Variants in LMAN1 observed in about 807,000 individuals in gnomAD.
LMAN1 encodes protein ERGIC-53.
LMAN1 carries 32 observed loss-of-function variants against 67.8 expected under a neutral mutation model. The observed-to-expected ratio is 0.47, with a 90% CI of 0.36 to 0.63. The LOEUF is 0.63. Among genes scored for constraint, LMAN1 ranks in the 30% least tolerant of loss-of-function variants. The pLI is 0.00. For synonymous variants in LMAN1, 235 were observed against 219.3 expected (o/e 1.07, Z -0.63); for missense variants, 632 against 628.2 (o/e 1.01, Z -0.06).
In LMAN1 at chr18:59,333,199, G is replaced by T; in HGVS notation, c.1266C>A (p.His422Gln). Residue 422 changes from histidine to glutamine, a missense_variant, in exon 11 of 13, where the codon CAC (histidine) becomes CAA (glutamine). Physicochemically the swap from His to Gln is conservative, Grantham distance 24 (BLOSUM62 0). Transcript: ENST00000251047. ...ETVRLVSGMQ[H>Q]PGSAGGVYET... ...CATAGACGCCTCCAGCAGAGCCAGG[G>T]TGCTGCATTCCACTGACCAGTCTGA... The T allele has an allele frequency of 6.2e-7, 1 of 1,613,594 alleles. No homozygotes were observed. Among genetic ancestry groups the T allele is most frequent in the East Asian group, 2.2e-5 (1 of 44,864 alleles).
intron 11 of LMAN1, among the ~76,000 whole-genome samples, chr18:59,332,277 G>A (rs886576722): frequency 2.1e-4 from 32 of 151,968 alleles, no homozygotes; most frequent in African/African-American, 7.5e-4. Context: ...ACAGAACTAA[G>A]GGGACAGATA....
intron 11 of LMAN1, 161 bp from the exon 12 acceptor site, chr18:59,331,700 T>G: frequency 1.4e-6 from 1 of 724,610 alleles, no homozygotes; most frequent in East Asian, 2.9e-5. Flanking sequence ...CTGACAACTG[T>G]TTTTGAAGGA....
At chr18:59,332,704 C>T (rs1412849270) in intron 11 of LMAN1, among the ~76,000 whole-genome samples, 1 of 151,966 alleles carries the variant, frequency 6.6e-6, no homozygotes, top group Non-Finnish European at 1.5e-5. Flanking sequence ...TCCAAGCACA[C>T]GAAACCTGGG....
rs1461513805 is a variant in LMAN1 at position 59,328,991 on chromosome 18, G to C, written c.*2102C>G. The C allele has an allele frequency of 6.6e-6, 1 of 152,170 alleles. No homozygotes were observed. The highest frequency in any genetic ancestry group is 2.4e-5 in the African/African-American group (1 of 41,442). 9.4% of individuals were successfully genotyped at this position (152,170 alleles called of 1,614,324 possible). A position where few individuals can be genotyped will look rare whatever the true frequency, so the allele number is the denominator to read the frequency against. On this transcript the variant is annotated 3_prime_UTR_variant, in exon 13 of 13. Coordinates refer to ENST00000251047, the MANE Select transcript of LMAN1 (RefSeq NM_005570.4). The stretch of plus-strand genomic sequence containing the variant: ...CTGTAAAACACTTGCTGGTGTGAGA[G>C]AAGTGAACAAATTCAATTATACAAA...
Position 59,332,566 on chromosome 18 carries a change from C to T in LMAN1, c.1374+525G>A, listed in dbSNP as rs41443547. On this transcript the variant is annotated intron_variant, in intron 11 of 12. Coordinates refer to ENST00000251047, the MANE Select transcript of LMAN1 (RefSeq NM_005570.4). ...TTAAAAAGCTTTTAAAAAGATAAAACGCGATATAAAATATAAGGGATTGGG... is the reference window on the plus strand; with the variant it reads ...TTAAAAAGCTTTTAAAAAGATAAAATGCGATATAAAATATAAGGGATTGGG... Among the ~76,000 whole-genome samples the T allele has an allele frequency of 2.4e-3, 363 of 152,074 alleles. 1 individual carries two copies. Among genetic ancestry groups the T allele is most frequent in the African/African-American group, 8.1e-3 (337 of 41,492 alleles).
chr18:59,351,223 T>C (rs41385548), intron 5 of LMAN1, among the ~76,000 whole-genome samples: 10 of 152,106 alleles, frequency 6.6e-5, no homozygotes, highest in African/African-American at 1.4e-4. Context: ...GATATACATA[T>C]AGTTAATAAG....
intron 10 of LMAN1, among the ~76,000 whole-genome samples, chr18:59,333,989 C>T (rs1908087495): frequency 6.6e-6 from 1 of 152,140 alleles, no homozygotes; most frequent in South Asian, 2.1e-4. Flanking sequence ...ATCTCAAGTG[C>T]TTTTGAATCA....
chr18:59,357,030 T>C (rs1908674806), intron 1 of LMAN1, among the ~76,000 whole-genome samples: 1 of 151,352 alleles, frequency 6.6e-6, no homozygotes, highest in Non-Finnish European at 1.5e-5. Flanking sequence ...ATTTCTCTAC[T>C]TTTTTTTTAA....
intron 10 of LMAN1, 97 bp downstream of exon 10, chr18:59,338,460 T>G: frequency 1.1e-6 from 1 of 894,140 alleles, no homozygotes; most frequent in East Asian, 2.6e-5. Context: ...CTTACCCTCA[T>G]GCAGAAATCT....
chr18:59,347,513 C>A lies in LMAN1; in HGVS notation c.822G>T (p.Pro274=). The A allele has an allele frequency of 6.2e-7, 1 of 1,606,576 alleles. No homozygotes were observed. The highest frequency in any genetic ancestry group is 1.3e-5 in the African/African-American group (1 of 74,630). Residue 274 remains proline (P), a splice_region_variant and synonymous_variant, in exon 7 of 13, where the codon CCG becomes CCT. Transcript: ENST00000251047. ...TTTTTGAAAATATGTGTAAAATTAC[C>A]GGCTCTTTTCCAGGTTCAGTCAACT... is the stretch of plus-strand genomic sequence containing the variant. ...TFQLTEPGKE[P]PTPDKEISEK...
rs1445285770 is a variant in LMAN1 at position 59,330,181 on chromosome 18, A to C, written c.*912T>G. 2 of 152,654 alleles carry C rather than the reference A, an allele frequency of 1.3e-5. No homozygotes were observed. The highest frequency in any genetic ancestry group is 4.8e-5 in the African/African-American group (2 of 41,472). 9.5% of individuals were successfully genotyped at this position (152,654 alleles called of 1,614,324 possible). ...TCACTAACCCCAGCCAGCATGAAGT[A>C]ACTAATGTAAACCAGAATGTAGTGG... On this transcript the variant is annotated 3_prime_UTR_variant, in exon 13 of 13. Transcript: ENST00000251047.
At chr18:59,350,444 C>T (rs1258711189) in intron 5 of LMAN1, among the ~76,000 whole-genome samples, 4 of 152,062 alleles carry the variant, frequency 2.6e-5, no homozygotes. Context: ...TGAATTCTAA[C>T]AAACTGAAAA....
intron 6 of LMAN1, among the ~76,000 whole-genome samples, chr18:59,347,778 C>CA (rs1186142551): frequency 5.3e-5 from 8 of 152,128 alleles, no homozygotes; most frequent in Non-Finnish European, 2.9e-5. Context: ...AGAAATAATC[C>CA]AAAACTCACT....
chr18:59,347,148 A>G (rs966735573), intron 7 of LMAN1, among the ~76,000 whole-genome samples: 3 of 147,244 alleles, frequency 2.0e-5, no homozygotes, highest in Non-Finnish European at 4.5e-5. Context: ...GGAGAAGTGC[A>G]GTGTCTTGAT....
In LMAN1 at chr18:59,359,082, GC is replaced by G; in HGVS notation, c.162del (p.Pro55ArgfsTer28). 1 of 1,614,100 alleles carries G rather than the reference GC, an allele frequency of 6.2e-7. No homozygotes were observed. Among genetic ancestry groups the G allele is most frequent in the Non-Finnish European group, 8.5e-7 (1 of 1,179,986 alleles). On this transcript the variant is annotated frameshift_variant, in exon 1 of 13. Transcript: ENST00000251047. LOFTEE classifies it high-confidence loss of function. ...GTCCCGTCGCTCTGCACCAGGTGCG[GC>G]CCCTTGAAGCTGTATTTGTACTCGA... ...RRFEYKYSFK[G>X]PHLVQSDGTV...
At chr18:59,331,772 G>A (rs2070749100) in intron 11 of LMAN1, 1 of 491,218 alleles carries the variant, frequency 2.0e-6, no homozygotes, top group Non-Finnish European at 3.7e-6. Flanking sequence ...CTGCCTCCTG[G>A]CTCCTGTCTG....
intron 8 of LMAN1, among the ~76,000 whole-genome samples, chr18:59,341,835 A>T (rs1361570603): frequency 6.6e-6 from 1 of 152,146 alleles, no homozygotes; most frequent in Non-Finnish European, 1.5e-5. Context: ...CAAACATAAG[A>T]GCAAAGCTAA....
At position 59,355,357 on chromosome 18, in the gene LMAN1, T is replaced by C. The variant is rs1483479171; in HGVS notation, c.433A>G (p.Asn145Asp). 6.2e-7 allele frequency: 1 copy of C among 1,613,970 alleles called. No homozygotes were observed. The highest frequency in any genetic ancestry group is 1.1e-5 in the South Asian group (1 of 91,058). The change falls in exon 3 of 13, where the codon AAT becomes GAT. Residue 145 changes from asparagine to aspartate, a missense_variant. Transcript: ENST00000251047. ...GAATCAAAAAATATTCCAACACCAT[T>C]CCACAGATCAGCTGATCCAAACACA... is the stretch of plus-strand genomic sequence containing the variant. ...GPVFGSADLWNGVGIFFDSFD... is the reference protein window; with the variant it reads ...GPVFGSADLWDGVGIFFDSFD...
At chr18:59,352,375 C>A (rs1177141729) in intron 5 of LMAN1, among the ~76,000 whole-genome samples, 1 of 152,192 alleles carries the variant, frequency 6.6e-6, no homozygotes, top group African/African-American at 2.4e-5. Flanking sequence ...AATACTGGGA[C>A]CTAAGTCATC....
Sources: gnomAD v4.1 joint callset for allele counts (sites outside exome capture counted in the v4.1 genomes callset) on GRCh38, gnomAD v4.1.1 for gene constraint, MANE v1.5 for transcripts, NCBI Gene and HGNC (gene_info 2026-07-23, HGNC 2026-07-21) for gene names.